The following ERN1 variants were observed in gnomAD, a reference collection of about 807,000 sequenced individuals.
ERN1 encodes serine/threonine-protein kinase/endoribonuclease IRE1.
Under a neutral mutation model 113.1 loss-of-function variants are expected in ERN1, and 39 were observed. The ratio of observed to expected loss-of-function variants is 0.34; its 90% CI spans 0.27 to 0.45. The LOEUF (loss-of-function observed/expected upper bound fraction) is 0.45, where lower values mean the gene tolerates loss of function less well. ERN1 is among the 20% of genes least tolerant of loss of function. The pLI, the probability that ERN1 is intolerant of heterozygous loss-of-function variation, is 1.00. For synonymous variants in ERN1, 507 were observed against 515.9 expected (o/e 0.98, Z 0.23); for missense variants, 976 against 1,274.8 (o/e 0.77, Z 3.57).
In ERN1 at chr17:64,054,635, A is replaced by T; in HGVS notation, c.1763+103T>A. The T allele has an allele frequency of 9.6e-7, 1 of 1,040,738 alleles. No individual in the cohort carries two copies. Among genetic ancestry groups the T allele is most frequent in the Non-Finnish European group, 1.4e-6 (1 of 711,064 alleles). 64.5% of individuals were successfully genotyped at this position (1,040,738 alleles called of 1,614,324 possible). On this transcript the variant is annotated intron_variant, in intron 14 of 21. Transcript: ENST00000433197. The surrounding 1 kb of genome is among the most constrained non-coding windows in gnomAD (Gnocchi z 4.9). ...AGGCCGGACTCCATGCGTCTAGGTC[A>T]CTGCTTTGACCCTGCTGTGCTCTGA... is the stretch of plus-strand genomic sequence containing the variant.
intron 1 of ERN1, among the ~76,000 whole-genome samples, chr17:64,104,413 G>C (rs1914467785): frequency 6.6e-6 from 1 of 152,056 alleles, no homozygotes; most frequent in Non-Finnish European, 1.5e-5. Context: ...TGTGAAAGCT[G>C]AATGTTCCTT....
At chr17:64,128,161 ATTT>A (rs760752335) in intron 1 of ERN1, among the ~76,000 whole-genome samples, 5 of 126,396 alleles carry the variant, frequency 4.0e-5, no homozygotes, top group Admixed American at 7.8e-5. Context: ...CGCCCGGCTA[ATTT>A]TTTTTTTTTT....
intron 1 of ERN1, chr17:64,098,633 A>G (rs569726323): frequency 6.8e-5 from 35 of 513,436 alleles, no homozygotes; most frequent in African/African-American, 4.4e-4. Flanking sequence ...ATACCCACGC[A>G]TACACACATT....
At chr17:64,118,955 T>G (rs556106812) in intron 1 of ERN1, among the ~76,000 whole-genome samples, 1 of 152,192 alleles carries the variant, frequency 6.6e-6, no homozygotes, top group African/African-American at 2.4e-5. Context: ...CTTCTTCTTG[T>G]GCTTTAACTA....
At chr17:64,089,318 CAAAAAA>C (rs34094164) in intron 2 of ERN1, among the ~76,000 whole-genome samples, 1 of 24,236 alleles carries the variant, frequency 4.1e-5, no homozygotes, top group African/African-American at 8.7e-5. Context: ...GAATCCATCT[CAAAAAA>C]AAAAAAAAAA....
chr17:64,076,775 A>AT (rs1878886677), intron 4 of ERN1, among the ~76,000 whole-genome samples: 1 of 151,756 alleles, frequency 6.6e-6, no homozygotes, highest in South Asian at 2.1e-4. Context: ...AATTTTTTGT[A>AT]TTTTTTAGTA....
intron 17 of ERN1, among the ~76,000 whole-genome samples, chr17:64,052,566 T>G (rs1181400380): frequency 6.7e-6 from 1 of 148,484 alleles, no homozygotes; most frequent in Non-Finnish European, 1.5e-5. Flanking sequence ...ATTGGAAGAA[T>G]AGGGAAAAAA....
At chr17:64,093,317 A>G (rs997856373) in intron 2 of ERN1, among the ~76,000 whole-genome samples, 2 of 152,086 alleles carry the variant, frequency 1.3e-5, no homozygotes, top group African/African-American at 4.8e-5. Flanking sequence ...ACTCAGACCC[A>G]AGCTTGTATC....
At chr17:64,100,781 CAATAAATA>C (rs58244964) in intron 1 of ERN1, among the ~76,000 whole-genome samples, 2 of 151,406 alleles carry the variant, frequency 1.3e-5, no homozygotes, top group Non-Finnish European at 2.9e-5. Context: ...GACTCTGTCT[CAATAAATA>C]AATAAATAAA....
At chr17:64,046,561 C>G (rs527392765) in intron 19 of ERN1, among the ~76,000 whole-genome samples, 21 of 152,344 alleles carry the variant, frequency 1.4e-4, no homozygotes, top group African/African-American at 4.3e-4. Context: ...TATGCTACAA[C>G]ATGGAAGACA....
intron 2 of ERN1, among the ~76,000 whole-genome samples, chr17:64,089,533 A>G (rs1259123315): frequency 5.9e-5 from 9 of 152,132 alleles, no homozygotes; most frequent in Non-Finnish European, 1.5e-5. Context: ...ACCTAAAAAA[A>G]TCCAAAATCA....
rs1010752824 is a variant in ERN1, at chr17:64,054,573, C to T, written c.1764-134G>A. The T allele has an allele frequency of 1.2e-5, 12 of 1,041,860 alleles. No individual in the cohort carries two copies. The highest frequency in any genetic ancestry group is 4.9e-5 in the Admixed American group (2 of 40,490). 64.5% of individuals were successfully genotyped at this position (1,041,860 alleles called of 1,614,324 possible). On this transcript the variant is annotated intron_variant, in intron 14 of 21. Transcript: ENST00000433197. The surrounding 1 kb of genome is among the most constrained non-coding windows in gnomAD (Gnocchi z 4.9). ...GCCCCGCCTGACTGCCTGGTGGCCC[C>T]GGAATCATCGCTTGTCTCAGTGTGC... is the stretch of plus-strand genomic sequence containing the variant.
intron 1 of ERN1, among the ~76,000 whole-genome samples, chr17:64,112,269 G>A (rs547042608): frequency 6.6e-6 from 1 of 151,966 alleles, no homozygotes; most frequent in Admixed American, 6.5e-5. Flanking sequence ...TCGAGTGGGT[G>A]AGGCAGGAGA....
At chr17:64,082,773 T>G (rs1913806612) in intron 2 of ERN1, among the ~76,000 whole-genome samples, 1 of 152,178 alleles carries the variant, frequency 6.6e-6, no homozygotes, top group Non-Finnish European at 1.5e-5. Flanking sequence ...TCAGGAAGGT[T>G]CCAGTTAAGA....
chr17:64,099,492 A>T (rs1241663148), intron 1 of ERN1, among the ~76,000 whole-genome samples: 2 of 152,064 alleles, frequency 1.3e-5, no homozygotes, highest in Non-Finnish European at 2.9e-5. Context: ...TTTGTCACAT[A>T]CTATCCTACA....
chr17:64,064,756 A>T (rs974097830), intron 9 of ERN1, among the ~76,000 whole-genome samples: 13 of 152,214 alleles, frequency 8.5e-5, no homozygotes, highest in African/African-American at 3.1e-4. Flanking sequence ...AAAGGGTTTG[A>T]GTAGGGAAAA....
Position 64,043,107 on chromosome 17 carries a change from C to T in ERN1, c.*881G>A, listed in dbSNP as rs763421432. 2.6e-5 allele frequency: 4 copies of T among 152,382 alleles called. No homozygotes were observed. The highest frequency in any genetic ancestry group is 5.9e-5 in the Non-Finnish European group (4 of 68,086). 9.4% of individuals were successfully genotyped at this position (152,382 alleles called of 1,614,324 possible). On this transcript the variant is annotated 3_prime_UTR_variant, in exon 22 of 22. Coordinates refer to ENST00000433197, the MANE Select transcript of ERN1 (RefSeq NM_001433.5). ...TGGCCCAGGGCTTTCTCCTGGTGAC[C>T]AGGAGGGTCCCATTCGGCGGCCTCC...
chr17:64,116,100 AG>A (rs1914796329), intron 1 of ERN1, among the ~76,000 whole-genome samples: 1 of 152,236 alleles, frequency 6.6e-6, no homozygotes, highest in Admixed American at 6.5e-5. Context: ...TTTAAGGTTC[AG>A]GATGGGGAAA....
chr17:64,060,323 C>T (rs1344860990), intron 11 of ERN1, 146 bp downstream of exon 11: 3 of 629,882 alleles, frequency 4.8e-6, no homozygotes, highest in African/African-American at 3.7e-5. Flanking sequence ...AGCCCTTAAC[C>T]ATTTATGTTT....
Sources: allele counts gnomAD v4.1 joint callset (sites outside exome capture counted in the v4.1 genomes callset), GRCh38; gene constraint gnomAD v4.1.1; non-coding constraint Gnocchi (gnomAD v3.1); transcripts MANE v1.5; gene names NCBI Gene and HGNC (gene_info 2026-07-23, HGNC 2026-07-21).